LMBR1: variants seen among roughly 807,000 people sequenced by gnomAD.
LMBR1 encodes limb development membrane protein 1, also known as limb region 1 protein homolog.
A neutral mutation model predicts 73.9 loss-of-function variants in LMBR1; 52 were observed. The ratio of observed to expected loss-of-function variants is 0.70; its 90% confidence interval spans 0.56 to 0.89. The LOEUF is 0.89. Among genes scored for constraint, LMBR1 ranks in the 40% least tolerant of loss-of-function variants. The pLI, the probability that LMBR1 is intolerant of heterozygous loss-of-function variation, is 0.00. For missense variants in LMBR1, 539 were observed against 579.8 expected (o/e 0.93, Z 0.72); for synonymous variants, 215 against 209.4 (o/e 1.03, Z -0.23).
rs1466434999 is a variant in LMBR1, at chr7:156,679,477, TAAAG to T, written c.*4597_*4600del. 4 of 151,860 alleles carry T rather than the reference TAAAG, an allele frequency of 2.6e-5. No homozygotes were observed. The highest frequency in any genetic ancestry group is 9.7e-5 in the African/African-American group (4 of 41,270). The allele number at this position is 151,860 out of a possible 1,614,324, so 9.4% of individuals were successfully genotyped here. On this transcript the variant is annotated 3_prime_UTR_variant, in exon 17 of 17. Coordinates refer to ENST00000353442, the MANE Select transcript of LMBR1 (RefSeq NM_022458.4). ...ACTGTGGATGACTTCAAGATGCTGT[TAAAG>T]AGAAGTTGCAGAATCAATATAAATA... is the stretch of plus-strand genomic sequence containing the variant.
chr7:156,878,778 G>C (rs1267981333), intron 1 of LMBR1, among the ~76,000 whole-genome samples: 3 of 152,114 alleles, frequency 2.0e-5, no homozygotes, highest in Non-Finnish European at 1.5e-5. Flanking sequence ...CAAATCTGGA[G>C]GTATCACATT....
chr7:156,725,416 A>C lies in LMBR1; in HGVS notation c.1158+19T>G. The C allele has an allele frequency of 6.7e-7, 1 of 1,488,172 alleles. No homozygotes were observed. The highest frequency in any genetic ancestry group is 9.2e-7 in the Non-Finnish European group (1 of 1,082,034). 92.2% of individuals were successfully genotyped at this position (1,488,172 alleles called of 1,614,324 possible). ...GGAAGGCAAACGAGAGGCCACAGTC[A>C]CCTAAGATTCTACCTTACCTTTGTC... is the stretch of plus-strand genomic sequence containing the variant. On this transcript the variant is annotated intron_variant, in intron 14 of 16. Coordinates refer to ENST00000353442, the MANE Select transcript of LMBR1 (RefSeq NM_022458.4).
intron 1 of LMBR1, among the ~76,000 whole-genome samples, chr7:156,843,835 C>CAAAA (rs11288663): frequency 1.7e-5 from 2 of 120,916 alleles, no homozygotes; most frequent in Non-Finnish European, 3.5e-5. Context: ...GACCCTGTCT[C>CAAAA]AAAAAAAAAA....
At chr7:156,851,715 T>C (rs1796264092) in intron 1 of LMBR1, among the ~76,000 whole-genome samples, 1 of 152,090 alleles carries the variant, frequency 6.6e-6, no homozygotes, top group Admixed American at 6.6e-5. Context: ...TAATGTAAAA[T>C]TATTTAAGTC....
intron 4 of LMBR1, among the ~76,000 whole-genome samples, chr7:156,815,825 T>C (rs1022026752): frequency 7.9e-5 from 12 of 152,118 alleles, no homozygotes; most frequent in African/African-American, 2.9e-4. Flanking sequence ...TATGCTTTTA[T>C]ATTCAGAAGA....
At chr7:156,794,474 T>C (rs576647592) in intron 5 of LMBR1, among the ~76,000 whole-genome samples, 2 of 152,250 alleles carry the variant, frequency 1.3e-5, no homozygotes, top group South Asian at 2.1e-4. Context: ...ATTCTGGAGA[T>C]TGTTGCTAAT....
intron 1 of LMBR1, among the ~76,000 whole-genome samples, chr7:156,839,198 C>T (rs1391198531): frequency 6.6e-6 from 1 of 151,796 alleles, no homozygotes; most frequent in Non-Finnish European, 1.5e-5. Flanking sequence ...TACAGGCTCA[C>T]ACCACCACAC....
rs111513625 is a variant in LMBR1 at position 156,732,840 on chromosome 7, C to T, written c.838+1337G>A. Among the ~76,000 whole-genome samples, 237 of 152,284 alleles carry T rather than the reference C, an allele frequency of 1.6e-3. 1 individual carries two copies. The highest frequency in any genetic ancestry group is 4.6e-3 in the Admixed American group (71 of 15,298). Reference sequence around the variant, plus strand: ...AACTACATTTCAGAACAAAGTTCCTCACTTACACAGCTACTATAAGTGGCC... The same window carrying T: ...AACTACATTTCAGAACAAAGTTCCTTACTTACACAGCTACTATAAGTGGCC... On this transcript the variant is annotated intron_variant, in intron 10 of 16. Coordinates refer to ENST00000353442, the MANE Select transcript of LMBR1 (RefSeq NM_022458.4).
chr7:156,771,718 C>T (rs1330598336), intron 5 of LMBR1, among the ~76,000 whole-genome samples: 1 of 152,094 alleles, frequency 6.6e-6, no homozygotes, highest in Non-Finnish European at 1.5e-5. Flanking sequence ...TAAAGGACAC[C>T]TCCCTAACTC....
intron 1 of LMBR1, among the ~76,000 whole-genome samples, chr7:156,873,390 A>G (rs1422906689): frequency 6.6e-6 from 1 of 152,166 alleles, no homozygotes; most frequent in East Asian, 1.9e-4. Flanking sequence ...AGCAGCGTGG[A>G]CCCAAAGAGT....
At position 156,685,898 on chromosome 7, in the gene LMBR1, A is replaced by G. The variant is rs1305417624; in HGVS notation, c.1388-1735T>C. Among the ~76,000 whole-genome samples, 1 of 152,224 alleles carries G rather than the reference A, an allele frequency of 6.6e-6. No homozygotes were observed. The highest frequency in any genetic ancestry group is 1.5e-5 in the Non-Finnish European group (1 of 68,042). ...AGTTTTACATCACTCATAAACTAAT[A>G]TAGCACTCCAAATTTTAATCTTCCT... is the stretch of plus-strand genomic sequence containing the variant. On this transcript the variant is annotated intron_variant, in intron 16 of 16. Coordinates refer to ENST00000353442, the MANE Select transcript of LMBR1 (RefSeq NM_022458.4). The surrounding 1 kb of genome is among the most constrained non-coding windows in gnomAD (Gnocchi z 4.1).
chr7:156,825,201 A>C (rs1835465742), intron 4 of LMBR1, among the ~76,000 whole-genome samples: 1 of 152,226 alleles, frequency 6.6e-6, no homozygotes, highest in Admixed American at 6.5e-5. Flanking sequence ...GTTCTTACTA[A>C]GAAAAAAAAT....
intron 4 of LMBR1, among the ~76,000 whole-genome samples, chr7:156,804,104 T>A (rs1831547301): frequency 6.6e-6 from 1 of 152,126 alleles, no homozygotes; most frequent in Non-Finnish European, 1.5e-5. Flanking sequence ...GTAACAAGCC[T>A]GCACGTTGTG....
intron 15 of LMBR1, among the ~76,000 whole-genome samples, chr7:156,693,704 C>A (rs1787540248): frequency 6.6e-6 from 1 of 152,116 alleles, no homozygotes; most frequent in Admixed American, 6.5e-5. Flanking sequence ...TAAATTCAAC[C>A]AGACAATTCA....
intron 1 of LMBR1, among the ~76,000 whole-genome samples, chr7:156,838,975 T>C (rs751043394): frequency 1.3e-5 from 2 of 152,140 alleles, no homozygotes; most frequent in Non-Finnish European, 2.9e-5. Context: ...ATTAGTGATG[T>C]TGAACACATT....
intron 9 of LMBR1, among the ~76,000 whole-genome samples, chr7:156,740,656 T>C (rs1033348196): frequency 6.6e-6 from 1 of 152,156 alleles, no homozygotes; most frequent in African/African-American, 2.4e-5. Context: ...GAAAATATCC[T>C]TCAAGCATGA....
chr7:156,725,564 A>G (rs1439872798), intron 13 of LMBR1, 39 bp from the exon 14 acceptor site: 5 of 1,433,360 alleles, frequency 3.5e-6, no homozygotes, highest in Non-Finnish European at 4.8e-6. Context: ...AACAGAATGC[A>G]AGTTTCCTAA....
rs573271670 is a variant in LMBR1 at position 156,763,599 on chromosome 7, T to C, written c.550+70A>G. ...CACAAAGATTTAAATGTTTTTAAAA[T>C]TGAGTGTGTAATTATATCCCAAACT... On this transcript the variant is annotated intron_variant, in intron 6 of 16. Transcript: ENST00000353442. 48 of 1,319,504 alleles carry C rather than the reference T, an allele frequency of 3.6e-5. No homozygotes were observed. In the Middle Eastern group the frequency reaches 5.6e-4, roughly 15 times the overall value. The allele number at this position is 1,319,504 out of a possible 1,614,324, so 81.7% of individuals were successfully genotyped here. A position where few individuals can be genotyped will look rare whatever the true frequency, so the allele number is the denominator to read the frequency against.
intron 3 of LMBR1, among the ~76,000 whole-genome samples, chr7:156,827,197 G>GA (rs1022981759): frequency 4.0e-5 from 6 of 151,742 alleles, no homozygotes; most frequent in East Asian, 3.9e-4. Flanking sequence ...TATTTCAGAG[G>GA]AAAAAAAACT....
Sources: gnomAD v4.1 joint callset for allele counts (sites outside exome capture counted in the v4.1 genomes callset) on GRCh38, gnomAD v4.1.1 for gene constraint, Gnocchi (gnomAD v3.1) non-coding constraint, MANE v1.5 for transcripts, NCBI Gene and HGNC (gene_info 2026-07-23, HGNC 2026-07-21) for gene names.